The following P2RX3 variants were observed in gnomAD, a reference collection of about 807,000 sequenced individuals.
The protein encoded by P2RX3 is P2X purinoceptor 3.
P2RX3 carries 41 observed loss-of-function variants against 51.5 expected under a neutral mutation model. That is an observed-to-expected ratio of 0.80 (90% CI 0.62 to 1.03). The LOEUF (loss-of-function observed/expected upper bound fraction) is 1.03. P2RX3 is among the 50% of genes least tolerant of loss of function. P2RX3 has a pLI of 0.00. For synonymous variants in P2RX3, 185 were observed against 191.6 expected (o/e 0.97, Z 0.29); for missense variants, 459 against 522.1 (o/e 0.88, Z 1.18).
chr11:57,348,824 C>T, intron 6 of P2RX3, 120 bp downstream of exon 6: 1 of 700,256 alleles, frequency 1.4e-6, no homozygotes. Flanking sequence ...TCCACTGACC[C>T]ATCTCCCTGG....
intron 11 of P2RX3, 39 bp downstream of exon 11, chr11:57,369,477 G>C: frequency 6.3e-7 from 1 of 1,583,864 alleles, no homozygotes. Context: ...AAAAGGGAGA[G>C]GGGGCAGGGC....
chr11:57,364,940 C>G (rs1856775366), intron 8 of P2RX3, among the ~76,000 whole-genome samples: 1 of 152,206 alleles, frequency 6.6e-6, no homozygotes, highest in African/African-American at 2.4e-5. Context: ...CCTGCCCCTC[C>G]CTCAGCTGCA....
At chr11:57,352,722 C>G (rs1013991946) in intron 8 of P2RX3, among the ~76,000 whole-genome samples, 1 of 152,180 alleles carries the variant, frequency 6.6e-6, no homozygotes, top group African/African-American at 2.4e-5. Context: ...TCCCTCCCCA[C>G]CTGAGCACAG....
chr11:57,369,524 A>T, intron 11 of P2RX3, 86 bp downstream of exon 11: 2 of 1,306,606 alleles, frequency 1.5e-6, no homozygotes, highest in Non-Finnish European at 2.1e-6. Flanking sequence ...TCCCCTTCTG[A>T]GGCCTTCTGA....
In P2RX3 at chr11:57,351,853, TTAA is replaced by T. The variant is rs1565066715; in HGVS notation, c.842+957_842+959del. ...ACTTATTAAAGGTTTTGTTTTCTTT[TTAA>T]TTGATAAATAACAATTGCATATATA... On this transcript the variant is annotated intron_variant, in intron 8 of 11. Transcript: ENST00000263314. 1.1e-4 allele frequency among the ~76,000 whole-genome samples: 16 copies of T among 152,362 alleles called. No individual in the cohort carries two copies. The South Asian group carries it at 3.3e-3, about 32-fold the overall frequency.
Position 57,370,745 on chromosome 11 carries a change from T to A in P2RX3, c.*748T>A, listed in dbSNP as rs1002524821. The stretch of plus-strand genomic sequence containing the variant: ...GTGAATTTTTCCTCATCACTCCCCA[T>A]AGCTCTCTCCCCAAACCAGGGAAGG... On this transcript the variant is annotated 3_prime_UTR_variant, in exon 12 of 12. Coordinates refer to ENST00000263314, the MANE Select transcript of P2RX3 (RefSeq NM_002559.5). 6.3e-4 allele frequency: 96 copies of A among 152,348 alleles called. No individual in the cohort carries two copies. The highest frequency in any genetic ancestry group is 2.3e-3 in the African/African-American group (94 of 41,570). The allele number at this position is 152,348 out of a possible 1,614,324, so 9.4% of individuals were successfully genotyped here.
chr11:57,369,349 C>G lies in P2RX3; in HGVS notation c.1003-12C>G. Reference sequence around the variant, plus strand: ...GCACCCCTCGGAGCCCGCCCTGCCTCTCCTCCTCCAGGGAACTGTTCTCTG... The same window carrying G: ...GCACCCCTCGGAGCCCGCCCTGCCTGTCCTCCTCCAGGGAACTGTTCTCTG... On this transcript the variant is annotated splice_polypyrimidine_tract_variant and intron_variant, in intron 10 of 11. Transcript: ENST00000263314. 2 of 1,608,992 alleles carry G rather than the reference C, an allele frequency of 1.2e-6. No individual in the cohort carries two copies. The highest frequency in any genetic ancestry group is 1.7e-6 in the Non-Finnish European group (2 of 1,178,144).
chr11:57,339,529 A>ACG (rs1033212977), intron 1 of P2RX3, among the ~76,000 whole-genome samples: 1 of 151,872 alleles, frequency 6.6e-6, no homozygotes, highest in African/African-American at 2.4e-5. Context: ...ACACACACAC[A>ACG]CACACACGCA....
At chr11:57,340,241 A>T (rs1430087328) in intron 1 of P2RX3, among the ~76,000 whole-genome samples, 3 of 152,130 alleles carry the variant, frequency 2.0e-5, no homozygotes, top group Admixed American at 6.5e-5. Context: ...CTCCAGGCAG[A>T]GATTGATGGG....
intron 8 of P2RX3, among the ~76,000 whole-genome samples, chr11:57,361,381 A>G (rs1856716009): frequency 1.3e-5 from 2 of 152,096 alleles, no homozygotes; most frequent in Non-Finnish European, 2.9e-5. Context: ...TTGCCGCACA[A>G]TAAACCCATC....
rs1460276548 is a variant in P2RX3 at position 57,348,664 on chromosome 11, A to G, written c.523A>G (p.Ile175Val). Reference sequence around the variant, plus strand: ...GGAAGCTGAGAACTTCACTATTTTCATCAAGAACAGCATCCGTTTCCCCCT... The same window carrying G: ...GGAAGCTGAGAACTTCACTATTTTCGTCAAGAACAGCATCCGTTTCCCCCT... ...MMEAENFTIF[I>V]KNSIRFPLFN... Residue 175 changes from isoleucine (I) to valine (V), a missense_variant, in exon 6 of 12, where the codon ATC becomes GTC. Ile to Val is a conservative substitution (Grantham distance 29). Coordinates refer to ENST00000263314, the MANE Select transcript of P2RX3 (RefSeq NM_002559.5). 6.2e-7 allele frequency: 1 copy of G among 1,613,906 alleles called. No individual in the cohort carries two copies. The highest frequency in any genetic ancestry group is 8.5e-7 in the Non-Finnish European group (1 of 1,179,956).
In P2RX3 at chr11:57,371,666, C is replaced by A. The variant is rs1451115514; in HGVS notation, c.*1669C>A. Among the ~76,000 whole-genome samples the A allele has an allele frequency of 2.0e-5, 3 of 152,234 alleles. No individual in the cohort carries two copies. The highest frequency in any genetic ancestry group is 7.2e-5 in the African/African-American group (3 of 41,456). On this transcript the variant is annotated 3_prime_UTR_variant, in exon 12 of 12. Coordinates refer to ENST00000263314, the MANE Select transcript of P2RX3 (RefSeq NM_002559.5). The stretch of plus-strand genomic sequence containing the variant: ...CTGCCCTAACCCACAGCCCCATGCC[C>A]AGGATGGTGGGGCATATCTCCCCAG...
intron 5 of P2RX3, 150 bp downstream of exon 5, chr11:57,348,413 G>C: frequency 1.3e-6 from 1 of 796,504 alleles, no homozygotes; most frequent in Non-Finnish European, 2.0e-6. Context: ...TCAGGCCCAG[G>C]GTATCATCTT....
intron 2 of P2RX3, among the ~76,000 whole-genome samples, 156 bp downstream of exon 2, chr11:57,346,835 G>C (rs1365928593): frequency 6.6e-6 from 1 of 152,240 alleles, no homozygotes; most frequent in Non-Finnish European, 1.5e-5. Flanking sequence ...AGAGCTGTGT[G>C]AGAGCTTGGG....
At chr11:57,362,897 A>T (rs1430958217) in intron 8 of P2RX3, among the ~76,000 whole-genome samples, 2 of 152,180 alleles carry the variant, frequency 1.3e-5, no homozygotes, top group Non-Finnish European at 2.9e-5. Flanking sequence ...ATTATTACTA[A>T]TATCATTATC....
chr11:57,348,981 G>A (rs1323377110), intron 6 of P2RX3, among the ~76,000 whole-genome samples: 2 of 152,200 alleles, frequency 1.3e-5, no homozygotes, highest in Non-Finnish European at 2.9e-5. Flanking sequence ...CTTAGGCCTA[G>A]TCGTGGGTCA....
At chr11:57,338,929 C>G (rs926240596) in intron 1 of P2RX3, among the ~76,000 whole-genome samples, 16 of 152,268 alleles carry the variant, frequency 1.1e-4, no homozygotes, top group African/African-American at 3.6e-4. Flanking sequence ...TAGTAGGGTC[C>G]CTGCCCCGGC....
chr11:57,345,438 G>T (rs1856413459), intron 1 of P2RX3, among the ~76,000 whole-genome samples: 1 of 152,124 alleles, frequency 6.6e-6, no homozygotes, highest in Non-Finnish European at 1.5e-5. Context: ...TGTTTCTCGG[G>T]GAGGGAGGAG....
chr11:57,341,155 T>C (rs1856333195), intron 1 of P2RX3, among the ~76,000 whole-genome samples: 2 of 152,062 alleles, frequency 1.3e-5, no homozygotes, highest in Admixed American at 6.5e-5. Flanking sequence ...GAGATCTGAG[T>C]TGGGAAGAGC....
Sources: allele counts gnomAD v4.1 joint callset (sites outside exome capture counted in the v4.1 genomes callset), GRCh38; gene constraint gnomAD v4.1.1; transcripts MANE v1.5; gene names NCBI Gene and HGNC (gene_info 2026-07-23, HGNC 2026-07-21).